The following MPRIP variants were observed in gnomAD, a reference collection of about 807,000 sequenced individuals.
The protein encoded by MPRIP is myosin phosphatase Rho interacting protein.
In MPRIP, 59 loss-of-function variants were observed where a neutral mutation model predicts 234.9. That is an observed-to-expected ratio of 0.25 (90% confidence interval 0.20 to 0.31). The LOEUF (loss-of-function observed/expected upper bound fraction) is 0.31, where lower values mean the gene tolerates loss of function less well. Among genes scored for constraint, MPRIP ranks in the 10% least tolerant of loss-of-function variants. The pLI is 1.00. For missense variants in MPRIP, 2,436 were observed against 3,071.0 expected (o/e 0.79, Z 4.89); for synonymous variants, 1,144 against 1,263.9 (o/e 0.91, Z 2.01).
chr17:17,167,782 C>G lies in MPRIP; in HGVS notation c.6191C>G (p.Thr2064Arg). 7.7e-7 allele frequency: 1 copy of G among 1,304,204 alleles called. No individual in the cohort carries two copies. The highest frequency in any genetic ancestry group is 1.0e-6 in the Non-Finnish European group (1 of 988,946). 80.8% of individuals were successfully genotyped at this position (1,304,204 alleles called of 1,614,324 possible). Reference sequence around the variant, plus strand: ...ACCCAGGGAGAGGCTGACTCCATGACGGGGCTGAGGGAGCGCATCCAGGAG... The same window carrying G: ...ACCCAGGGAGAGGCTGACTCCATGAGGGGGCTGAGGGAGCGCATCCAGGAG... ...QATQGEADSM[T>R]GLRERIQELE... Residue 2064 changes from threonine to arginine, a missense_variant, in exon 16 of 24, where the codon ACG (threonine) becomes AGG (arginine). This residue lies in a region of MPRIP where 1,998 missense variants were observed against 2,520.3 expected (regional missense o/e 0.79). Coordinates refer to ENST00000651222, the MANE Select transcript of MPRIP (RefSeq NM_001364716.4). The surrounding 1 kb of genome is among the most constrained non-coding windows in gnomAD (Gnocchi z 5.9).
intron 1 of MPRIP, among the ~76,000 whole-genome samples, chr17:17,071,958 G>C (rs1435860128): frequency 6.6e-6 from 1 of 152,154 alleles, no homozygotes; most frequent in Non-Finnish European, 1.5e-5. Flanking sequence ...GCAAAGCTAA[G>C]CCTACCCACG....
chr17:17,092,187 A>G (rs1311354339), intron 3 of MPRIP, among the ~76,000 whole-genome samples: 1 of 152,238 alleles, frequency 6.6e-6, no homozygotes, highest in Admixed American at 6.5e-5. Flanking sequence ...TGTAAGCCCT[A>G]CAAAGTGGGG....
chr17:17,051,437 T>C (rs2088537063), intron 1 of MPRIP, among the ~76,000 whole-genome samples: 1 of 152,174 alleles, frequency 6.6e-6, no homozygotes. Context: ...CTCAGCTGAA[T>C]GACACCGTTG....
chr17:17,172,181 C>A (rs1212070676), intron 17 of MPRIP, among the ~76,000 whole-genome samples: 1 of 152,248 alleles, frequency 6.6e-6, no homozygotes, highest in Non-Finnish European at 1.5e-5. Context: ...CAGTGACTTT[C>A]CCCCTGACAG....
At chr17:17,161,198 C>T in intron 14 of MPRIP, 42 bp from the exon 15 acceptor site, 1 of 1,442,342 alleles carries the variant, frequency 6.9e-7, no homozygotes, top group African/African-American at 1.4e-5. Flanking sequence ...CTTTGTTTAT[C>T]ATTGTCATTT....
rs921903099 is a variant in MPRIP at position 17,138,356 on chromosome 17, C to A, written c.1177C>A (p.Arg393=). The A allele has an allele frequency of 6.8e-5, 24 of 353,406 alleles. No individual in the cohort carries two copies. Among genetic ancestry groups the A allele is most frequent in the African/African-American group, 5.1e-4 (24 of 47,330 alleles). The allele number at this position is 353,406 out of a possible 1,614,324, so 21.9% of individuals were successfully genotyped here. ...AGAAGCCTTCCAGGTGGAGAGAAGG[C>A]GGCTGGAGCGTAGAACTCGGGCCCG... is the stretch of plus-strand genomic sequence containing the variant. ...HREAFQVERR[R]LERRTRARSP... is the part of the protein sequence containing the mutation. The change falls in exon 7 of 24, where the codon CGG becomes AGG. Residue 393 remains arginine (R), a synonymous_variant. Coordinates refer to ENST00000651222, the MANE Select transcript of MPRIP (RefSeq NM_001364716.4). The surrounding 1 kb of genome is among the most constrained non-coding windows in gnomAD (Gnocchi z 5.8).
intron 1 of MPRIP, among the ~76,000 whole-genome samples, chr17:17,073,591 G>A (rs1293453372): frequency 6.6e-6 from 1 of 152,194 alleles, no homozygotes; most frequent in African/African-American, 2.4e-5. Context: ...CCTCACAGGT[G>A]GGCACTTGTG....
intron 21 of MPRIP, among the ~76,000 whole-genome samples, 196 bp downstream of exon 21, chr17:17,176,708 A>G (rs1174492970): frequency 6.6e-6 from 1 of 152,196 alleles, no homozygotes; most frequent in Admixed American, 6.5e-5. Context: ...GACATGAGCA[A>G]CCTGCCTGGC....
intron 12 of MPRIP, among the ~76,000 whole-genome samples, chr17:17,151,805 C>T (rs1030577963): frequency 2.0e-5 from 3 of 152,228 alleles, no homozygotes; most frequent in Admixed American, 6.5e-5. Flanking sequence ...GTTCGTCACT[C>T]GCAAGGGCTT....
In MPRIP at chr17:17,061,750, G is replaced by A. The variant is rs528332493; in HGVS notation, c.124-13960G>A. 2.4e-4 allele frequency among the ~76,000 whole-genome samples: 36 copies of A among 152,268 alleles called. No individual in the cohort carries two copies. The South Asian group carries it at 5.6e-3, about 24-fold the overall frequency. On this transcript the variant is annotated intron_variant, in intron 1 of 23. Transcript: ENST00000651222. ...TGGAGCCTGGTGTGAGGGAGCCAGC[G>A]TAGGGTTTGGGTGCCTGCCCCACCC...
At position 17,167,833 on chromosome 17, in the gene MPRIP, G is replaced by A. The variant is rs552007546; in HGVS notation, c.6242G>A (p.Arg2081Gln). The change falls in exon 16 of 24, where the codon CGG becomes CAG. Residue 2081 changes from arginine to glutamine, a missense_variant. Arg to Gln is a conservative substitution (Grantham distance 43). Coordinates refer to ENST00000651222, the MANE Select transcript of MPRIP (RefSeq NM_001364716.4). The surrounding 1 kb of genome is among the most constrained non-coding windows in gnomAD (Gnocchi z 5.9). ...CTGGAGGCCCAGATGGATGTCATGC[G>A]GGAGGAGCTGGGACACAAGGACCTG... ...QELEAQMDVM[R>Q]EELGHKDLEG... 3.5e-5 allele frequency: 46 copies of A among 1,304,240 alleles called. No individual in the cohort carries two copies. Among genetic ancestry groups the A allele is most frequent in the Non-Finnish European group, 4.1e-5 (41 of 988,980 alleles). The allele number at this position is 1,304,240 out of a possible 1,614,324, so 80.8% of individuals were successfully genotyped here. A position where few individuals can be genotyped will look rare whatever the true frequency, so the allele number is the denominator to read the frequency against.
At chr17:17,045,896 C>G (rs868202799) in intron 1 of MPRIP, among the ~76,000 whole-genome samples, 1 of 151,664 alleles carries the variant, frequency 6.6e-6, no homozygotes, top group Middle Eastern at 3.2e-3. Context: ...AGCTACGCCT[C>G]CCAGGTTCAT....
intron 3 of MPRIP, among the ~76,000 whole-genome samples, chr17:17,100,907 G>A (rs977298090): frequency 6.6e-6 from 1 of 152,172 alleles, no homozygotes; most frequent in Non-Finnish European, 1.5e-5. Flanking sequence ...AAAGTTTGGG[G>A]ACCACTGCAT....
At position 17,109,917 on chromosome 17, in the gene MPRIP, C is replaced by G. The variant is rs138535185; in HGVS notation, c.268-16785C>G. 1.1e-4 allele frequency among the ~76,000 whole-genome samples: 16 copies of G among 152,264 alleles called. No homozygotes were observed. In the East Asian group the frequency reaches 3.1e-3, roughly 29 times the overall value. On this transcript the variant is annotated intron_variant, in intron 3 of 23. Coordinates refer to ENST00000651222, the MANE Select transcript of MPRIP (RefSeq NM_001364716.4). Reference sequence around the variant, plus strand: ...GTGTCCAAAGCTGGAACACTTTGAGCAACAAAATAAATACTGTAATGTTGG... The same window carrying G: ...GTGTCCAAAGCTGGAACACTTTGAGGAACAAAATAAATACTGTAATGTTGG...
At chr17:17,184,711 C>A in intron 23 of MPRIP, 112 bp from the exon 24 acceptor site, 1 of 743,446 alleles carries the variant, frequency 1.3e-6, no homozygotes, top group Non-Finnish European at 2.4e-6. Flanking sequence ...CACCTGCACC[C>A]GGCTCTCTGA....
intron 1 of MPRIP, among the ~76,000 whole-genome samples, chr17:17,043,788 G>T (rs2088258218): frequency 1.3e-5 from 2 of 152,176 alleles, no homozygotes; most frequent in Admixed American, 1.3e-4. Context: ...ATTGCTGTTT[G>T]AACTCCTAGT....
intron 4 of MPRIP, 46 bp from the exon 5 acceptor site, chr17:17,131,571 G>A (rs375216803): frequency 4.6e-5 from 71 of 1,542,492 alleles, no homozygotes; most frequent in Non-Finnish European, 5.9e-5. Flanking sequence ...CCTAGTCCCC[G>A]AGTGCCAGGG....
chr17:17,050,073 A>G lies in MPRIP; in HGVS notation c.123+7102A>G, dbSNP rs1597713822. 2.0e-5 allele frequency among the ~76,000 whole-genome samples: 3 copies of G among 152,328 alleles called. No homozygotes were observed. The South Asian group carries it at 6.2e-4, about 32-fold the overall frequency. ...CCGGGCACAGTGGCTCACGCCTGCA[A>G]TCCCAGCACTTTGGGAGGCCGAGGC... On this transcript the variant is annotated intron_variant, in intron 1 of 23. Coordinates refer to ENST00000651222, the MANE Select transcript of MPRIP (RefSeq NM_001364716.4).
chr17:17,073,608 G>A (rs2089254492), intron 1 of MPRIP, among the ~76,000 whole-genome samples: 2 of 152,194 alleles, frequency 1.3e-5, no homozygotes, highest in South Asian at 4.1e-4. Flanking sequence ...TGTGGCCGGT[G>A]AGAGGCCGAG....
Sources: gnomAD v4.1 joint callset for allele counts (sites outside exome capture counted in the v4.1 genomes callset) on GRCh38, gnomAD v4.1.1 for gene constraint, gnomAD v4.1.1 regional missense constraint, Gnocchi (gnomAD v3.1) non-coding constraint, MANE v1.5 for transcripts, NCBI Gene and HGNC (gene_info 2026-07-23, HGNC 2026-07-21) for gene names.